Variants in PHLPP1 observed in about 807,000 individuals in gnomAD.
PHLPP1 encodes PH domain and leucine rich repeat protein phosphatase 1, also known as PH domain leucine-rich repeat-containing protein phosphatase 1.
Under a neutral mutation model 117.2 loss-of-function variants are expected in PHLPP1, and 42 were observed. The ratio of observed to expected loss-of-function variants is 0.36; its 90% CI spans 0.28 to 0.46. The LOEUF (loss-of-function observed/expected upper bound fraction) is 0.46, where lower values mean the gene tolerates loss of function less well. PHLPP1 is among the 20% of genes least tolerant of loss of function. The pLI is 1.00. For synonymous variants in PHLPP1, 1,042 were observed against 970.7 expected, an observed-to-expected ratio of 1.07 and a Z score of -1.37; for missense variants, 2,084 against 2,241.9, an observed-to-expected ratio of 0.93 and a Z score of 1.42.
At chr18:62,783,191 T>C (rs896770871) in intron 1 of PHLPP1, among the ~76,000 whole-genome samples, 38 of 150,028 alleles carry the variant, frequency 2.5e-4, no homozygotes, top group Admixed American at 2.5e-3. Flanking sequence ...AGTTACTAGG[T>C]CTTGATTCTG....
chr18:62,830,022 C>T lies in PHLPP1; in HGVS notation c.1577-13C>T. The T allele has an allele frequency of 6.3e-7, 1 of 1,588,564 alleles. No individual in the cohort carries two copies. Among genetic ancestry groups the T allele is most frequent in the Non-Finnish European group, 8.6e-7 (1 of 1,163,748 alleles). ...TTTTAAAAGAATAACATGTTTGCTT[C>T]TGTTTATTTCAGGAAAACCTCACAG... On this transcript the variant is annotated splice_polypyrimidine_tract_variant and intron_variant, in intron 1 of 16. Coordinates refer to ENST00000262719, the MANE Select transcript of PHLPP1 (RefSeq NM_194449.4).
At chr18:62,752,321 C>T (rs139462528) in intron 1 of PHLPP1, among the ~76,000 whole-genome samples, 1 of 152,288 alleles carries the variant, frequency 6.6e-6, no homozygotes, top group East Asian at 1.9e-4. Flanking sequence ...CACAGAGAAG[C>T]AGGGTGTTCA....
At chr18:62,891,312 G>T (rs1471071079) in intron 4 of PHLPP1, among the ~76,000 whole-genome samples, 1 of 152,224 alleles carries the variant, frequency 6.6e-6, no homozygotes, top group Non-Finnish European at 1.5e-5. Flanking sequence ...TATAGGCTGG[G>T]TGCAGTGGCT....
rs1910764122 is a variant in PHLPP1 at position 62,716,905 on chromosome 18, C to T, written c.1222C>T (p.Gln408Ter). ...GHPAQPLPLP[Q>*]TASSPQPQQK... is the part of the protein sequence containing the mutation. ...CCCCGCGCAGCCCCTCCCGCTTCCC[C>T]AGACGGCTTCCTCGCCTCAGCCGCA... The change falls in exon 1 of 17, where the codon CAG becomes TAG. Residue 408 changes from glutamine (Q) to a stop codon, truncating the protein, a stop_gained. Coordinates refer to ENST00000262719, the MANE Select transcript of PHLPP1 (RefSeq NM_194449.4). LOFTEE classifies it high-confidence loss of function. This position sits in a 1 kb window ranked among gnomAD's most constrained non-coding sequence, Gnocchi z 5.7. 6.5e-7 allele frequency: 1 copy of T among 1,532,384 alleles called. No homozygotes were observed. The highest frequency in any genetic ancestry group is 8.7e-7 in the Non-Finnish European group (1 of 1,144,964). The allele number at this position is 1,532,384 out of a possible 1,614,324, so 94.9% of individuals were successfully genotyped here.
chr18:62,764,808 A>G (rs557148630), intron 1 of PHLPP1, among the ~76,000 whole-genome samples: 1 of 152,378 alleles, frequency 6.6e-6, no homozygotes, highest in Non-Finnish European at 1.5e-5. Context: ...GCTATTTGCC[A>G]TATCCACGGA....
At chr18:62,875,049 G>T (rs911414498) in intron 4 of PHLPP1, among the ~76,000 whole-genome samples, 1 of 152,160 alleles carries the variant, frequency 6.6e-6, no homozygotes, top group African/African-American at 2.4e-5. Flanking sequence ...CCGCCTCCCG[G>T]GTTCAAGCGA....
At chr18:62,928,826 C>T (rs1015355013) in intron 10 of PHLPP1, among the ~76,000 whole-genome samples, 1 of 152,146 alleles carries the variant, frequency 6.6e-6, no homozygotes, top group Non-Finnish European at 1.5e-5. Context: ...GTAAAAGGTA[C>T]TAGTATATGC....
At chr18:62,789,608 A>C (rs28685827) in intron 1 of PHLPP1, among the ~76,000 whole-genome samples, 2,893 of 152,234 alleles carry the variant, frequency 0.019, 79 homozygotes, top group African/African-American at 0.065. Context: ...CTTCTCACAC[A>C]GCACAAACCT....
At chr18:62,977,360 G>T (rs572829815) in intron 16 of PHLPP1, among the ~76,000 whole-genome samples, 9 of 140,550 alleles carry the variant, frequency 6.4e-5, no homozygotes, top group African/African-American at 2.4e-4. Flanking sequence ...ACTAGGGCAT[G>T]TAGAGGTATG....
At chr18:62,816,052 T>C (rs979000524) in intron 1 of PHLPP1, among the ~76,000 whole-genome samples, 1 of 152,228 alleles carries the variant, frequency 6.6e-6, no homozygotes, top group South Asian at 2.1e-4. Context: ...TTAACCAGTT[T>C]CCTTTTGTTG....
rs1915603758 is a variant in PHLPP1 at position 62,860,459 on chromosome 18, G to T, written c.1924G>T (p.Val642Leu). Reference protein sequence around the residue: ...SKVASQRISSVDLSCCSLEHL... With the variant: ...SKVASQRISSLDLSCCSLEHL... ...GGTTGCATCCCAGCGCATTAGCTCA[G>T]TGGACCTCTCGTGTTGTAGCCTGGA... The change falls in exon 4 of 17, where the codon GTG becomes TTG. Residue 642 changes from valine (V) to leucine (L), a missense_variant. Val to Leu is a conservative substitution (Grantham distance 32). This residue lies in a region of PHLPP1 where 1,365 missense variants were observed against 1,605.9 expected (regional missense o/e 0.85). Coordinates refer to ENST00000262719, the MANE Select transcript of PHLPP1 (RefSeq NM_194449.4). 1 of 1,613,830 alleles carries T rather than the reference G, an allele frequency of 6.2e-7. No homozygotes were observed. The highest frequency in any genetic ancestry group is 8.5e-7 in the Non-Finnish European group (1 of 1,179,862).
Position 62,716,569 on chromosome 18 carries a change from C to G in PHLPP1, c.886C>G (p.Arg296Gly), listed in dbSNP as rs1910744840. The G allele has an allele frequency of 8.3e-7, 1 of 1,200,978 alleles. No homozygotes were observed. The highest frequency in any genetic ancestry group is 1.0e-6 in the Non-Finnish European group (1 of 968,594). The allele number at this position is 1,200,978 out of a possible 1,614,324, so 74.4% of individuals were successfully genotyped here. Residue 296 changes from arginine (R) to glycine (G), a missense_variant, in exon 1 of 17, where the codon CGC becomes GGC. Transcript: ENST00000262719. This position sits in a 1 kb window ranked among gnomAD's most constrained non-coding sequence, Gnocchi z 5.7. Reference sequence around the variant, plus strand: ...GCCGGGTGCCTTCGGGGGGCCTCCGCGCGCGCCCCCCGCCGACCTACCCCT... The same window carrying G: ...GCCGGGTGCCTTCGGGGGGCCTCCGGGCGCGCCCCCCGCCGACCTACCCCT... ...SAPGAFGGPPRAPPADLPLPV... is the reference protein window; with the variant it reads ...SAPGAFGGPPGAPPADLPLPV...
intron 2 of PHLPP1, among the ~76,000 whole-genome samples, chr18:62,836,482 A>C: frequency 9.7e-6 from 1 of 103,604 alleles, no homozygotes; most frequent in African/African-American, 3.4e-5. Context: ...TAAATAAATA[A>C]ATAAAAATAA....
At chr18:62,950,348 T>A (rs1379530430) in intron 12 of PHLPP1, among the ~76,000 whole-genome samples, 1 of 152,194 alleles carries the variant, frequency 6.6e-6, no homozygotes, top group Admixed American at 6.5e-5. Context: ...GGACAATGGC[T>A]ATAGGAAGTT....
At chr18:62,921,040 TTTG>T (rs1427109509) in intron 10 of PHLPP1, among the ~76,000 whole-genome samples, 87 of 152,334 alleles carry the variant, frequency 5.7e-4, no homozygotes, top group African/African-American at 1.7e-3. Flanking sequence ...GCTCTGTTAT[TTTG>T]TTGTGATAAG....
intron 1 of PHLPP1, among the ~76,000 whole-genome samples, chr18:62,736,539 A>C (rs946070026): frequency 6.6e-6 from 1 of 152,214 alleles, no homozygotes; most frequent in East Asian, 1.9e-4. Context: ...TCATAAAAGT[A>C]GGAAGCAACA....
chr18:62,974,771 T>G (rs988885613), intron 15 of PHLPP1, among the ~76,000 whole-genome samples: 1 of 152,236 alleles, frequency 6.6e-6, no homozygotes, highest in Non-Finnish European at 1.5e-5. Context: ...ACTTGGTATT[T>G]GATTACTAGA....
chr18:62,887,479 G>A (rs903543339), intron 4 of PHLPP1, among the ~76,000 whole-genome samples: 1 of 152,230 alleles, frequency 6.6e-6, no homozygotes, highest in African/African-American at 2.4e-5. Flanking sequence ...TCTAGAGGCT[G>A]TGAAGTCCAG....
chr18:62,810,941 T>C (rs572695994), intron 1 of PHLPP1, among the ~76,000 whole-genome samples: 55 of 152,328 alleles, frequency 3.6e-4, no homozygotes, highest in Non-Finnish European at 6.8e-4. Context: ...ACAGACATAA[T>C]TAGTTAAGAT....
Sources: gnomAD v4.1 joint callset for allele counts (sites outside exome capture counted in the v4.1 genomes callset) on GRCh38, gnomAD v4.1.1 for gene constraint, gnomAD v4.1.1 regional missense constraint, Gnocchi (gnomAD v3.1) non-coding constraint, MANE v1.5 for transcripts, NCBI Gene and HGNC (gene_info 2026-07-23, HGNC 2026-07-21) for gene names.